Variants in ELP2 observed in about 807,000 individuals in gnomAD.
ELP2 encodes elongator acetyltransferase complex subunit 2, also known as elongator complex protein 2.
ELP2 carries 90 observed loss-of-function variants against 119.2 expected under a neutral mutation model. The observed-to-expected ratio is 0.75, with a 90% CI of 0.64 to 0.90. ELP2 has a LOEUF of 0.90. Among genes scored for constraint, ELP2 ranks in the 40% least tolerant of loss-of-function variants. The pLI is 0.00. For synonymous variants in ELP2, 339 were observed against 331.0 expected (o/e 1.02, Z -0.26); for missense variants, 921 against 967.8 (o/e 0.95, Z 0.64).
intron 3 of ELP2, among the ~76,000 whole-genome samples, chr18:36,137,686 A>G (rs1043021463): frequency 6.6e-6 from 1 of 150,476 alleles, no homozygotes; most frequent in Non-Finnish European, 1.5e-5. Flanking sequence ...CTATTTTTCT[A>G]TTTTGCAGCC....
At chr18:36,160,074 T>A (rs2090689456) in intron 16 of ELP2, 59 bp downstream of exon 16, 1 of 1,518,154 alleles carries the variant, frequency 6.6e-7, no homozygotes, top group Non-Finnish European at 9.1e-7. Context: ...TGACTTTTCC[T>A]CCCCACCCCA....
rs1272242451 is a variant in ELP2 at position 36,138,975 on chromosome 18, A to G, written c.523+103A>G. ...TATTGGGTCTTAATTTTGTATCTGA[A>G]TGTTTCTATGAAACAAGATGTGAAT... is the stretch of plus-strand genomic sequence containing the variant. On this transcript the variant is annotated intron_variant, in intron 5 of 21. Coordinates refer to ENST00000358232, the MANE Select transcript of ELP2 (RefSeq NM_018255.4). 3.4e-6 allele frequency: 3 copies of G among 870,048 alleles called. No homozygotes were observed. The Admixed American group carries it at 5.2e-5, about 15-fold the overall frequency. The allele number at this position is 870,048 out of a possible 1,614,324, so 53.9% of individuals were successfully genotyped here. A position where few individuals can be genotyped will look rare whatever the true frequency, so the allele number is the denominator to read the frequency against.
intron 16 of ELP2, 40 bp downstream of exon 16, chr18:36,160,055 C>T (rs752430402): frequency 1.2e-5 from 20 of 1,601,038 alleles, no homozygotes; most frequent in Non-Finnish European, 1.7e-5. Context: ...CTGATTCTGT[C>T]GTAACTTCTG....
At chr18:36,171,268 G>T in intron 21 of ELP2, 108 bp downstream of exon 21, 1 of 756,750 alleles carries the variant, frequency 1.3e-6, no homozygotes, top group South Asian at 1.5e-5. Flanking sequence ...ATCTGTATTC[G>T]TCGTGTCTAC....
intron 21 of ELP2, among the ~76,000 whole-genome samples, chr18:36,172,920 G>C (rs1196576182): frequency 6.6e-6 from 1 of 152,172 alleles, no homozygotes; most frequent in Admixed American, 6.6e-5. Context: ...TAATATTTCA[G>C]TTACCAAGTT....
rs1417469011 is a variant in ELP2 at position 36,175,613 on chromosome 18, TG to T, written c.*973del. 1 of 152,214 alleles carries T rather than the reference TG, an allele frequency of 6.6e-6. No individual in the cohort carries two copies. The highest frequency in any genetic ancestry group is 2.4e-5 in the African/African-American group (1 of 41,456). The allele number at this position is 152,214 out of a possible 1,614,324, so 9.4% of individuals were successfully genotyped here. The stretch of plus-strand genomic sequence containing the variant: ...CTGAAGTCACGAGATGAGGGATATA[TG>T]TCCCCCAGGGAGGATGCAGAAAGAA... On this transcript the variant is annotated 3_prime_UTR_variant, in exon 22 of 22. Coordinates refer to ENST00000358232, the MANE Select transcript of ELP2 (RefSeq NM_018255.4).
intron 11 of ELP2, among the ~76,000 whole-genome samples, chr18:36,149,701 C>T (rs192183995): frequency 6.6e-6 from 1 of 152,068 alleles, no homozygotes; most frequent in African/African-American, 2.4e-5. Context: ...AGCATCCTCC[C>T]CAACCCCCTT....
At chr18:36,144,903 T>C (rs1567987905) in intron 8 of ELP2, 36 bp from the exon 9 acceptor site, 1 of 1,525,302 alleles carries the variant, frequency 6.6e-7, no homozygotes. Flanking sequence ...TTAGAAGAGC[T>C]TTGAGGAAAT....
At chr18:36,149,477 TGTTTTG>T (rs2090318888) in intron 11 of ELP2, among the ~76,000 whole-genome samples, 10 of 102,432 alleles carry the variant, frequency 9.8e-5, no homozygotes, top group Admixed American at 2.5e-4. Flanking sequence ...CAGGGTTTTT[TGTTTTG>T]TTTTGTTTTT....
At chr18:36,130,206 T>C (rs1427565668) in intron 1 of ELP2, 135 bp downstream of exon 1, 1 of 1,190,754 alleles carries the variant, frequency 8.4e-7, no homozygotes, top group Non-Finnish European at 1.2e-6. Context: ...GGGTTTGGGC[T>C]CGGAGTCTCC....
intron 18 of ELP2, among the ~76,000 whole-genome samples, chr18:36,166,217 A>G (rs532631552): frequency 6.6e-6 from 1 of 152,062 alleles, no homozygotes; most frequent in South Asian, 2.1e-4. Context: ...TTGTATTAAT[A>G]ACATATTTAT....
chr18:36,147,673 T>A (rs2144663988), intron 11 of ELP2, among the ~76,000 whole-genome samples: 1 of 152,168 alleles, frequency 6.6e-6, no homozygotes, highest in East Asian at 1.9e-4. Context: ...TCCCCCCGCC[T>A]CAGCCTCCCA....
At chr18:36,141,692 C>CTTT (rs1204242187) in intron 6 of ELP2, among the ~76,000 whole-genome samples, 17 of 137,276 alleles carry the variant, frequency 1.2e-4, no homozygotes, top group Middle Eastern at 3.5e-3. Context: ...AGCTATTCAA[C>CTTT]TTTTTTTTTT....
chr18:36,139,480 C>A, intron 5 of ELP2: 1 of 1,535,716 alleles, frequency 6.5e-7, no homozygotes, highest in Non-Finnish European at 8.7e-7. Flanking sequence ...CCTCTCTCGC[C>A]CTCTGTAGCA....
chr18:36,142,327 G>C lies in ELP2; in HGVS notation c.635G>C (p.Gly212Ala). 1 of 1,613,958 alleles carries C rather than the reference G, an allele frequency of 6.2e-7. No homozygotes were observed. The highest frequency in any genetic ancestry group is 8.5e-7 in the Non-Finnish European group (1 of 1,179,922). Reference sequence around the variant, plus strand: ...TGTGGACATGAGGATTGGATTAGAGGAGTGGAATGGGCAGCCTTTGGTCAG... The same window carrying C: ...TGTGGACATGAGGATTGGATTAGAGCAGTGGAATGGGCAGCCTTTGGTCAG... ...SLCGHEDWIR[G>A]VEWAAFGRDL... is the part of the protein sequence containing the mutation. The change falls in exon 7 of 22, where the codon GGA becomes GCA. Residue 212 changes from glycine (G) to alanine (A), a missense_variant. By Grantham distance (60) the Gly-to-Ala change is moderately conservative. Transcript: ENST00000358232.
intron 11 of ELP2, among the ~76,000 whole-genome samples, chr18:36,147,864 T>A (rs1022889669): frequency 2.0e-5 from 3 of 152,188 alleles, no homozygotes; most frequent in African/African-American, 7.2e-5. Context: ...TACTTTTTTT[T>A]ATAAAGTATA....
Position 36,176,882 on chromosome 18 carries a change from A to G in ELP2, c.*2241A>G, listed in dbSNP as rs2091234600. 1 of 152,150 alleles carries G rather than the reference A, an allele frequency of 6.6e-6. No homozygotes were observed. Among genetic ancestry groups the G allele is most frequent in the Non-Finnish European group, 1.5e-5 (1 of 68,024 alleles). 9.4% of individuals were successfully genotyped at this position (152,150 alleles called of 1,614,324 possible). A position where few individuals can be genotyped will look rare whatever the true frequency, so the allele number is the denominator to read the frequency against. On this transcript the variant is annotated 3_prime_UTR_variant, in exon 22 of 22. Transcript: ENST00000358232. ...CCTTGTTACCCCAGGCTATTACTAA[A>G]TGGTGGTGGTGGTTTTATCTTAATT...
chr18:36,172,516 ATG>A lies in ELP2; in HGVS notation c.2324+1357_2324+1358del, dbSNP rs968695476. Reference sequence around the variant, plus strand: ...GCTCATTATAATTATATTTATTAAAATGAGATATTGCCATGCCCCCATGGCTT... The same window carrying A: ...GCTCATTATAATTATATTTATTAAAAAGATATTGCCATGCCCCCATGGCTT... On this transcript the variant is annotated intron_variant, in intron 21 of 21. Transcript: ENST00000358232. 2.8e-4 allele frequency among the ~76,000 whole-genome samples: 42 copies of A among 152,350 alleles called. 1 individual carries two copies. Among genetic ancestry groups the A allele is most frequent in the African/African-American group, 9.9e-4 (41 of 41,578 alleles).
chr18:36,177,030 A>G lies in ELP2; in HGVS notation c.*2389A>G, dbSNP rs1186862849. ...TATTACTCATTGCTACGGCAGTTCA[A>G]AATGACTTGGAAAAAAACAATGAAC... On this transcript the variant is annotated 3_prime_UTR_variant, in exon 22 of 22. Coordinates refer to ENST00000358232, the MANE Select transcript of ELP2 (RefSeq NM_018255.4). 3 of 152,196 alleles carry G rather than the reference A, an allele frequency of 2.0e-5. No homozygotes were observed. Among genetic ancestry groups the G allele is most frequent in the East Asian group, 3.8e-4 (2 of 5,200 alleles). 9.4% of individuals were successfully genotyped at this position (152,196 alleles called of 1,614,324 possible). A position where few individuals can be genotyped will look rare whatever the true frequency, so the allele number is the denominator to read the frequency against.
Sources: allele counts gnomAD v4.1 joint callset (sites outside exome capture counted in the v4.1 genomes callset), GRCh38; gene constraint gnomAD v4.1.1; transcripts MANE v1.5; gene names NCBI Gene and HGNC (gene_info 2026-07-23, HGNC 2026-07-21).